KCNC4: variants seen among roughly 807,000 people sequenced by gnomAD.
KCNC4 encodes voltage-gated potassium channel KCNC4.
KCNC4 carries 23 observed loss-of-function variants against 42.8 expected under a neutral mutation model. The ratio of observed to expected loss-of-function variants is 0.54; its 90% CI spans 0.39 to 0.76. KCNC4 has a LOEUF of 0.76. Ranked by LOEUF, KCNC4 falls within the 30% of genes least tolerant of loss-of-function variation. The pLI, the probability that KCNC4 is intolerant of heterozygous loss-of-function variation, is 0.00. For synonymous variants in KCNC4, 422 were observed against 393.5 expected (o/e 1.07, Z -0.86); for missense variants, 751 against 898.2 (o/e 0.84, Z 2.10).
At chr1:110,277,731 TA>T (rs1364032187) in intron 1 of KCNC4, among the ~76,000 whole-genome samples, 1 of 152,222 alleles carries the variant, frequency 6.6e-6, no homozygotes, top group African/African-American at 2.4e-5. Flanking sequence ...CTCCTCCAAT[TA>T]AATGTAGGCT....
At position 110,226,154 on chromosome 1, in the gene KCNC4, T is replaced by C. The variant is rs1658380861; in HGVS notation, c.1795T>C (p.Cys599Arg). Residue 599 changes from cysteine (C) to arginine (R), a missense_variant, in exon 3 of 4, where the codon TGC becomes CGC. Around this residue, in one of 4 missense-constraint regions of KCNC4, gnomAD observed 202 missense variants for 181.5 expected, o/e 1.11. Coordinates refer to ENST00000438661, the MANE Select transcript of KCNC4 (RefSeq NM_001039574.3). ...CCTGCTCAGCACTGGGGACTATGCCTGCGCCGATGGTAGTGTCCGGAAAGG... is the reference window on the plus strand; with the variant it reads ...CCTGCTCAGCACTGGGGACTATGCCCGCGCCGATGGTAGTGTCCGGAAAGG... Reference protein sequence around the residue: ...CFLLSTGDYACADGSVRKETC... With the variant: ...CFLLSTGDYARADGSVRKETC... 6.2e-7 allele frequency: 1 copy of C among 1,613,912 alleles called. No individual in the cohort carries two copies. The highest frequency in any genetic ancestry group is 1.7e-5 in the Admixed American group (1 of 59,996).
downstream of KCNC4, among the ~76,000 whole-genome samples, chr1:110,283,709 T>C (rs1659866916): frequency 6.6e-6 from 1 of 152,238 alleles, no homozygotes; most frequent in African/African-American, 2.4e-5. Context: ...AGTCTCTTCA[T>C]TATGCATTTA....
chr1:110,236,894 G>C (rs1019013247), downstream of KCNC4: 5 of 152,020 alleles, frequency 3.3e-5, no homozygotes, highest in African/African-American at 9.7e-5. Flanking sequence ...ATGTTAGGAG[G>C]GCAGATTGGG....
rs758120447 is a variant in KCNC4, at chr1:110,212,098, C to T, written c.599C>T (p.Ala200Val). ...CACGAGGGAGGCGCGGGCCATGGCG[C>T]CGGGTCTGGGGGCTGCCGCGGCTGG... Reference protein sequence around the residue: ...GPHEGGAGHGAGSGGCRGWQP... With the variant: ...GPHEGGAGHGVGSGGCRGWQP... Residue 200 changes from alanine (A) to valine (V), a missense_variant, in exon 1 of 4, where the codon GCC becomes GTC. Coordinates refer to ENST00000438661, the MANE Select transcript of KCNC4 (RefSeq NM_001039574.3). 144 of 1,525,190 alleles carry T rather than the reference C, an allele frequency of 9.4e-5. No homozygotes were observed. The highest frequency in any genetic ancestry group is 1.3e-4 in the Admixed American group (6 of 45,932). 94.5% of individuals were successfully genotyped at this position (1,525,190 alleles called of 1,614,324 possible). A position where few individuals can be genotyped will look rare whatever the true frequency, so the allele number is the denominator to read the frequency against.
At chr1:110,217,431 C>A (rs1164571742) in intron 1 of KCNC4, among the ~76,000 whole-genome samples, 1 of 152,138 alleles carries the variant, frequency 6.6e-6, no homozygotes, top group Non-Finnish European at 1.5e-5. Context: ...GTGGGTAGAG[C>A]TAAACCATAT....
rs556096188 is a variant in KCNC4 at position 110,223,107 on chromosome 1, G to A, written c.822G>A (p.Glu274=). Residue 274 remains glutamate, a synonymous_variant, in exon 2 of 4, where the codon GAG becomes GAA. Coordinates refer to ENST00000438661, the MANE Select transcript of KCNC4 (RefSeq NM_001039574.3). This position sits in a 1 kb window ranked among gnomAD's most constrained non-coding sequence, Gnocchi z 7.5. ...TCACCAGCGTGCACTTCCGGCGGGA[G>A]GTAGAGACAGAGCCCATCCTGACCT... ...GNITSVHFRR[E]VETEPILTYI... 1.1e-5 allele frequency: 17 copies of A among 1,614,210 alleles called. No individual in the cohort carries two copies. The South Asian group carries it at 1.6e-4, about 16-fold the overall frequency.
intron 3 of KCNC4, among the ~76,000 whole-genome samples, chr1:110,229,776 C>T (rs1030613267): frequency 3.3e-5 from 5 of 152,084 alleles, no homozygotes; most frequent in Non-Finnish European, 4.4e-5. Flanking sequence ...CTGCTCCTGC[C>T]GCTCCCGGGA....
intron 1 of KCNC4, among the ~76,000 whole-genome samples, chr1:110,262,063 A>C (rs1659464625): frequency 6.6e-6 from 1 of 152,246 alleles, no homozygotes; most frequent in South Asian, 2.1e-4. Flanking sequence ...ATACCTGTAC[A>C]CTTAAAAAAG....
At position 110,232,812 on chromosome 1, in the gene KCNC4, C is replaced by G. The variant is rs1391224716; in HGVS notation, c.1820-99C>G. The G allele has an allele frequency of 1.9e-6, 3 of 1,548,634 alleles. 1 individual carries two copies. The stretch of plus-strand genomic sequence containing the variant: ...CTAACGTCTCATTCTTTGTTTCTCC[C>G]TTTCTTTTGCTGAACTCCCTGTCCC... On this transcript the variant is annotated intron_variant, in intron 3 of 3. Coordinates refer to ENST00000438661, the MANE Select transcript of KCNC4 (RefSeq NM_001039574.3).
At chr1:110,251,214 G>A (rs968675039), downstream of KCNC4, among the ~76,000 whole-genome samples, 3 of 152,162 alleles carry the variant, frequency 2.0e-5, no homozygotes, top group African/African-American at 7.2e-5. Context: ...AGCTCCACAG[G>A]CCACGAACGT....
chr1:110,269,518 A>G (rs1364314255), intron 1 of KCNC4, among the ~76,000 whole-genome samples: 2 of 152,200 alleles, frequency 1.3e-5, no homozygotes, highest in East Asian at 3.8e-4. Flanking sequence ...ATTCTGAAGT[A>G]TGGATGTACC....
At chr1:110,219,644 T>C (rs1657984310) in intron 1 of KCNC4, 5 of 152,152 alleles carry the variant, frequency 3.3e-5, no homozygotes, top group African/African-American at 1.2e-4. Flanking sequence ...CTTTGGCCTC[T>C]AAGCAGGGTG....
chr1:110,238,995 C>T (rs762470609), downstream of KCNC4: 1 of 152,188 alleles, frequency 6.6e-6, no homozygotes, highest in Non-Finnish European at 1.5e-5. Flanking sequence ...CTGCAGGAGC[C>T]TCCTCCCAGG....
rs566242040 is a variant in KCNC4, at chr1:110,222,736, C to G, written c.679-228C>G. 49 of 542,256 alleles carry G rather than the reference C, an allele frequency of 9.0e-5. No homozygotes were observed. In the South Asian group the frequency reaches 1.1e-3, roughly 12 times the overall value. The allele number at this position is 542,256 out of a possible 1,614,324, so 33.6% of individuals were successfully genotyped here. On this transcript the variant is annotated intron_variant, in intron 1 of 3. Coordinates refer to ENST00000438661, the MANE Select transcript of KCNC4 (RefSeq NM_001039574.3). Reference sequence around the variant, plus strand: ...CCTGACCAGTGTTTCCAGCCAAGAGCAGCTTCTATCTTTTGTGACAAAGAT... The same window carrying G: ...CCTGACCAGTGTTTCCAGCCAAGAGGAGCTTCTATCTTTTGTGACAAAGAT...
intron 1 of KCNC4, among the ~76,000 whole-genome samples, chr1:110,263,051 C>T (rs1386458040): frequency 6.6e-6 from 1 of 152,202 alleles, no homozygotes; most frequent in Non-Finnish European, 1.5e-5. Context: ...GACCTGTTTG[C>T]ATCTGTCACT....
chr1:110,266,874 G>A (rs150534158), intron 1 of KCNC4, among the ~76,000 whole-genome samples: 6 of 152,176 alleles, frequency 3.9e-5, no homozygotes, highest in African/African-American at 1.4e-4. Flanking sequence ...TCATGGGGAT[G>A]TTTGCCCCTT....
At chr1:110,234,526 T>C (rs572077281), downstream of KCNC4, 6 of 152,360 alleles carry the variant, frequency 3.9e-5, no homozygotes, top group African/African-American at 1.2e-4. Context: ...GAACACATCC[T>C]GGGCCTGGAT....
intron 3 of KCNC4, chr1:110,232,477 C>T (rs1263043355): frequency 6.9e-7 from 1 of 1,443,696 alleles, no homozygotes; most frequent in Non-Finnish European, 9.1e-7. Flanking sequence ...CAGGCCACAT[C>T]AGGAACTTTC....
At chr1:110,268,628 G>A (rs897489422) in intron 1 of KCNC4, among the ~76,000 whole-genome samples, 92 of 117,940 alleles carry the variant, frequency 7.8e-4, no homozygotes, top group Non-Finnish European at 1.2e-3. Flanking sequence ...AAAAAAAAAA[G>A]AAAAGAAAAG....
Sources: gnomAD v4.1 joint callset for allele counts (sites outside exome capture counted in the v4.1 genomes callset) on GRCh38, gnomAD v4.1.1 for gene constraint, gnomAD v4.1.1 regional missense constraint, Gnocchi (gnomAD v3.1) non-coding constraint, MANE v1.5 for transcripts, NCBI Gene and HGNC (gene_info 2026-07-23, HGNC 2026-07-21) for gene names.